SIRT6: variants seen among roughly 807,000 people sequenced by gnomAD.
The protein encoded by SIRT6 is sirtuin 6.
SIRT6 carries 21 observed loss-of-function variants against 33.6 expected under a neutral mutation model. The observed-to-expected ratio is 0.62, with a 90% CI of 0.44 to 0.90. The LOEUF (loss-of-function observed/expected upper bound fraction) is 0.90. Ranked by LOEUF, SIRT6 falls within the 40% of genes least tolerant of loss-of-function variation. The pLI is 0.00. For synonymous variants in SIRT6, 221 were observed against 223.9 expected (o/e 0.99, Z 0.12); for missense variants, 504 against 510.6 (o/e 0.99, Z 0.12).
intron 1 of SIRT6, chr19:4,182,229 TCC>T: frequency 2.0e-6 from 1 of 497,606 alleles, no homozygotes; most frequent in South Asian, 2.7e-5. Flanking sequence ...GCGCCTGTCG[TCC>T]CCTCTTCCTG....
At chr19:4,176,003 T>C in intron 4 of SIRT6, 66 bp from the exon 5 acceptor site, 4 of 1,419,742 alleles carry the variant, frequency 2.8e-6, no homozygotes, top group Non-Finnish European at 3.9e-6. Context: ...TCGCACTGTT[T>C]CTAGGGTGAC....
Position 4,175,950 on chromosome 19 carries a change from G to C in SIRT6, c.438-13C>G, listed in dbSNP as rs201429340. 6.4e-7 allele frequency: 1 copy of C among 1,556,448 alleles called. No individual in the cohort carries two copies. The highest frequency in any genetic ancestry group is 8.7e-7 in the Non-Finnish European group (1 of 1,150,036). On this transcript the variant is annotated splice_polypyrimidine_tract_variant and intron_variant, in intron 4 of 7. Coordinates refer to ENST00000337491, the MANE Select transcript of SIRT6 (RefSeq NM_016539.4). ...TCGGACGTACTGCCTGTGTCAGGGA[G>C]GAAGGGGGAGGATGGGACCAGGTGA...
chr19:4,178,931 T>C (rs1366058531), intron 3 of SIRT6, among the ~76,000 whole-genome samples, 173 bp downstream of exon 3: 1 of 152,242 alleles, frequency 6.6e-6, no homozygotes, highest in African/African-American at 2.4e-5. Context: ...ATTCTGCCTC[T>C]GGCCTCAGCC....
Position 4,175,791 on chromosome 19 carries a change from G to A in SIRT6, c.534-31C>T, listed in dbSNP as rs749484456. The A allele has an allele frequency of 4.5e-6, 7 of 1,555,342 alleles. No individual in the cohort carries two copies. In the East Asian group the frequency reaches 1.4e-4, roughly 32 times the overall value. On this transcript the variant is annotated intron_variant, in intron 5 of 7. Coordinates refer to ENST00000337491, the MANE Select transcript of SIRT6 (RefSeq NM_016539.4). ...ATGAGGAAGCTGAGGAGAGTCCTCA[G>A]GGGCCTCGCAGCCTCCCCTGGAGCC...
At chr19:4,181,194 C>A (rs944301248) in intron 1 of SIRT6, among the ~76,000 whole-genome samples, 1 of 152,176 alleles carries the variant, frequency 6.6e-6, no homozygotes, top group Non-Finnish European at 1.5e-5. Flanking sequence ...GCTCCAGCCA[C>A]ACAGGTCTCC....
intron 3 of SIRT6, among the ~76,000 whole-genome samples, chr19:4,177,483 C>T (rs1321663409): frequency 6.6e-6 from 1 of 151,994 alleles, no homozygotes; most frequent in Non-Finnish European, 1.5e-5. Context: ...CACAGGAATT[C>T]AAATTCCCAG....
intron 1 of SIRT6, among the ~76,000 whole-genome samples, chr19:4,181,655 C>G (rs1310831049): frequency 6.6e-6 from 1 of 152,136 alleles, no homozygotes; most frequent in Non-Finnish European, 1.5e-5. Flanking sequence ...GGCGTGGTGG[C>G]AGGTGCCTGT....
chr19:4,180,688 G>A (rs1967575087), intron 2 of SIRT6, 94 bp downstream of exon 2: 1 of 1,482,630 alleles, frequency 6.7e-7, no homozygotes, highest in African/African-American at 1.4e-5. Context: ...GAAAGCAGAT[G>A]GATGTGTTCT....
intron 2 of SIRT6, chr19:4,180,553 GTA>G: frequency 2.4e-6 from 1 of 416,536 alleles, no homozygotes. Context: ...GCTAATTTTT[GTA>G]TTTTTAGTAG....
In SIRT6 at chr19:4,177,059, T is replaced by C. The variant is rs1288869739; in HGVS notation, c.437+20A>G. ...CCCCCTCTGGCAGAGCCCCCACCCC[T>C]GCACCCAGGTGGCACTCACGTCTTA... On this transcript the variant is annotated intron_variant, in intron 4 of 7. Coordinates refer to ENST00000337491, the MANE Select transcript of SIRT6 (RefSeq NM_016539.4). 9 of 1,572,830 alleles carry C rather than the reference T, an allele frequency of 5.7e-6. No homozygotes were observed. Among genetic ancestry groups the C allele is most frequent in the Non-Finnish European group, 6.1e-6 (7 of 1,154,146 alleles).
In SIRT6 at chr19:4,175,316, G is replaced by A. The variant is rs367975041; in HGVS notation, c.615-165C>T. 22 of 948,952 alleles carry A rather than the reference G, an allele frequency of 2.3e-5. No individual in the cohort carries two copies. In the African/African-American group the frequency reaches 2.5e-4, roughly 11 times the overall value. The allele number at this position is 948,952 out of a possible 1,614,324, so 58.8% of individuals were successfully genotyped here. On this transcript the variant is annotated intron_variant, in intron 6 of 7. Coordinates refer to ENST00000337491, the MANE Select transcript of SIRT6 (RefSeq NM_016539.4). ...GGGATCCCGCCCTGCCCTCCTCTGC[G>A]GTCCGTTGGCGGGGTCATTGATCTG... is the stretch of plus-strand genomic sequence containing the variant.
At chr19:4,181,148 C>T (rs1049962861) in intron 1 of SIRT6, among the ~76,000 whole-genome samples, 2 of 152,188 alleles carry the variant, frequency 1.3e-5, no homozygotes, top group Non-Finnish European at 2.9e-5. Context: ...TTGCCCCCTC[C>T]CTGCCCTCTT....
At chr19:4,177,696 T>C (rs1250429786) in intron 3 of SIRT6, among the ~76,000 whole-genome samples, 1 of 152,160 alleles carries the variant, frequency 6.6e-6, no homozygotes, top group Non-Finnish European at 1.5e-5. Context: ...GTTCAAGTGA[T>C]TCTCCTGCCT....
rs199582071 is a variant in SIRT6, at chr19:4,179,159, G to C, written c.322C>G (p.Arg108Gly). The C allele has an allele frequency of 9.9e-6, 16 of 1,612,494 alleles. No homozygotes were observed. The highest frequency in any genetic ancestry group is 1.3e-5 in the Non-Finnish European group (15 of 1,179,792). The change falls in exon 3 of 8, where the codon CGC becomes GGC. Residue 108 changes from arginine (R) to glycine (G), a missense_variant. Transcript: ENST00000337491. Reference protein sequence around the residue: ...LVQLERVGLLRFLVSQNVDGL... With the variant: ...LVQLERVGLLGFLVSQNVDGL... ...TCCACGTTCTGGCTGACCAGGAAGC[G>C]GAGGAGGCCCACGCGCTCCAGCTGC...
chr19:4,181,770 C>T (rs1280140296), intron 1 of SIRT6, among the ~76,000 whole-genome samples: 1 of 151,946 alleles, frequency 6.6e-6, no homozygotes, highest in Admixed American at 6.6e-5. Flanking sequence ...CCAGCCTGGG[C>T]GACAGAGAAA....
At chr19:4,178,823 A>G (rs1270148893) in intron 3 of SIRT6, among the ~76,000 whole-genome samples, 1 of 152,160 alleles carries the variant, frequency 6.6e-6, no homozygotes. Flanking sequence ...GGGCAACAAG[A>G]ACGAAACTCG....
At chr19:4,175,349 C>A in intron 6 of SIRT6, 198 bp from the exon 7 acceptor site, 2 of 731,154 alleles carry the variant, frequency 2.7e-6, no homozygotes, top group Non-Finnish European at 2.2e-6. Context: ...CTGGGCGGGC[C>A]CTTAGACACT....
At position 4,175,123 on chromosome 19, in the gene SIRT6, T is replaced by C. The variant is rs1253594712; in HGVS notation, c.643A>G (p.Thr215Ala). Residue 215 changes from threonine to alanine, a missense_variant, in exon 7 of 8, where the codon ACA (threonine) becomes GCA (alanine). Physicochemically the swap from Thr to Ala is moderately conservative, Grantham distance 58. Transcript: ENST00000337491. ...RNADLSITLG[T>A]SLQIRPSGNL... ...CCGCTGGGCCGGATCTGCAGCGATGTACCCAGCGTGATGGACAGGTCGGCG... is the reference window on the plus strand; with the variant it reads ...CCGCTGGGCCGGATCTGCAGCGATGCACCCAGCGTGATGGACAGGTCGGCG... 1.9e-6 allele frequency: 3 copies of C among 1,600,174 alleles called. No homozygotes were observed. Among genetic ancestry groups the C allele is most frequent in the Non-Finnish European group, 2.6e-6 (3 of 1,174,944 alleles).
At chr19:4,178,542 T>C (rs1178031028) in intron 3 of SIRT6, among the ~76,000 whole-genome samples, 2 of 152,000 alleles carry the variant, frequency 1.3e-5, no homozygotes, top group African/African-American at 4.8e-5. Flanking sequence ...GTCAGATTAA[T>C]AAAGATGGAT....
Sources: gnomAD v4.1 joint callset for allele counts (sites outside exome capture counted in the v4.1 genomes callset) on GRCh38, gnomAD v4.1.1 for gene constraint, MANE v1.5 for transcripts, NCBI Gene and HGNC (gene_info 2026-07-23, HGNC 2026-07-21) for gene names.